Variants in ATP6V1C2 observed in about 807,000 individuals in gnomAD.
ATP6V1C2 encodes the protein V-type proton ATPase subunit C 2.
In ATP6V1C2, 45 loss-of-function variants were observed where a neutral mutation model predicts 56.8. That is an observed-to-expected ratio of 0.79 (90% CI 0.62 to 1.02). The LOEUF (loss-of-function observed/expected upper bound fraction) is 1.02, where lower values mean the gene tolerates loss of function less well. Ranked by LOEUF, ATP6V1C2 falls within the 50% of genes least tolerant of loss-of-function variation. ATP6V1C2 has a pLI of 0.00. For synonymous variants in ATP6V1C2, 220 were observed against 201.3 expected (o/e 1.09, Z -0.79); for missense variants, 463 against 519.7 (o/e 0.89, Z 1.06).
chr2:10,758,049 G>A (rs543283758), intron 4 of ATP6V1C2, among the ~76,000 whole-genome samples: 1 of 152,194 alleles, frequency 6.6e-6, no homozygotes, highest in Non-Finnish European at 1.5e-5. Context: ...GTTATCAAAT[G>A]CCTTCCCAAA....
rs767826157 is a variant in ATP6V1C2, at chr2:10,774,956, C to A, written c.732-22C>A. Reference sequence around the variant, plus strand: ...CCTCTGGAAAGCTTCTGAGTGAAAACCCATGATTTGCTTGTTTTAAGGTTC... The same window carrying A: ...CCTCTGGAAAGCTTCTGAGTGAAAAACCATGATTTGCTTGTTTTAAGGTTC... On this transcript the variant is annotated intron_variant, in intron 9 of 13. Coordinates refer to ENST00000272238, the MANE Select transcript of ATP6V1C2 (RefSeq NM_001039362.2). The A allele has an allele frequency of 3.7e-6, 6 of 1,612,972 alleles. No homozygotes were observed. The East Asian group carries it at 6.7e-5, about 18-fold the overall frequency.
At position 10,778,601 on chromosome 2, in the gene ATP6V1C2, C is replaced by T. The variant is rs1336769154; in HGVS notation, c.993C>T (p.Asn331=). The change falls in exon 12 of 14, where the codon AAC becomes AAT. Residue 331 remains asparagine, a synonymous_variant. Transcript: ENST00000272238. ...CCCTGCTGCGCTGGCTCAAGGTGAA[C>T]TTCAGTGAAGCCTTCATTGCCTGGA... ...EGPLLRWLKV[N]FSEAFIAWIH... 3 of 1,614,122 alleles carry T rather than the reference C, an allele frequency of 1.9e-6. No individual in the cohort carries two copies. Among genetic ancestry groups the T allele is most frequent in the African/African-American group, 1.3e-5 (1 of 74,946 alleles).
chr2:10,782,375 T>C lies in ATP6V1C2; in HGVS notation c.1194T>C (p.Asp398=), dbSNP rs751728938. 5 of 1,613,794 alleles carry C rather than the reference T, an allele frequency of 3.1e-6. No individual in the cohort carries two copies. The highest frequency in any genetic ancestry group is 4.2e-6 in the Non-Finnish European group (5 of 1,179,938). Residue 398 remains aspartate (D), a splice_region_variant and synonymous_variant, in exon 13 of 14, where the codon GAT becomes GAC. Transcript: ENST00000272238. ...AAGTAGCCGCTACAAGTATACTGGATGTAGGTATCCAGAAACAGCAGTATT... is the reference window on the plus strand; with the variant it reads ...AAGTAGCCGCTACAAGTATACTGGACGTAGGTATCCAGAAACAGCAGTATT... ...LDEVAATSIL[D]ASVEIPGLQL...
At chr2:10,740,749 C>T (rs554578776) in intron 3 of ATP6V1C2, among the ~76,000 whole-genome samples, 14 of 152,292 alleles carry the variant, frequency 9.2e-5, no homozygotes, top group African/African-American at 3.4e-4. Flanking sequence ...TGCAGTGGCG[C>T]TGTGTCAGCT....
chr2:10,761,444 C>A (rs1239800151), intron 4 of ATP6V1C2, among the ~76,000 whole-genome samples: 1 of 152,096 alleles, frequency 6.6e-6, no homozygotes, highest in Admixed American at 6.5e-5. Flanking sequence ...ACCCTCTGAC[C>A]ACTCCCTGCT....
chr2:10,737,511 C>T (rs2148426834), intron 3 of ATP6V1C2, among the ~76,000 whole-genome samples: 1 of 152,026 alleles, frequency 6.6e-6, no homozygotes, highest in African/African-American at 2.4e-5. Context: ...TAATATATTG[C>T]CTATTTTTCT....
At chr2:10,729,809 C>G (rs541889640) in intron 3 of ATP6V1C2, among the ~76,000 whole-genome samples, 3 of 152,278 alleles carry the variant, frequency 2.0e-5, no homozygotes, top group East Asian at 1.9e-4. Context: ...GAGCTGTGAT[C>G]GTGCCACTGC....
intron 3 of ATP6V1C2, among the ~76,000 whole-genome samples, chr2:10,741,075 G>A (rs571261432): frequency 3.3e-5 from 5 of 152,298 alleles, no homozygotes; most frequent in Admixed American, 6.5e-5. Context: ...TGAGAATTCC[G>A]TTCTTAGTGA....
At chr2:10,724,616 C>T (rs866460430) in intron 2 of ATP6V1C2, among the ~76,000 whole-genome samples, 47 of 151,544 alleles carry the variant, frequency 3.1e-4, no homozygotes, top group African/African-American at 1.1e-3. Flanking sequence ...AATTAAGTTA[C>T]TTGAGAAGAA....
upstream of ATP6V1C2, chr2:10,721,010 C>G (rs1422016855): frequency 6.6e-6 from 1 of 151,998 alleles, no homozygotes; most frequent in Non-Finnish European, 1.5e-5. Context: ...GAGTTGTAAC[C>G]GCCCCCCCAC....
In ATP6V1C2 at chr2:10,768,736, G is replaced by A; in HGVS notation, c.396G>A (p.Glu132=). Residue 132 remains glutamate (E), a synonymous_variant, in exon 6 of 14, where the codon GAG becomes GAA. Coordinates refer to ENST00000272238, the MANE Select transcript of ATP6V1C2 (RefSeq NM_001039362.2). ...DTIAKQLAQI[E]MDLKSRTAAY... ...CAAAACAGCAACTGGCGCAGATCGA[G>A]ATGGACCTGAAGTCCCGAACGGCCG... 1 of 1,614,066 alleles carries A rather than the reference G, an allele frequency of 6.2e-7. No homozygotes were observed. The highest frequency in any genetic ancestry group is 8.5e-7 in the Non-Finnish European group (1 of 1,180,030).
chr2:10,729,754 C>T (rs375351207), intron 3 of ATP6V1C2, among the ~76,000 whole-genome samples: 1 of 152,152 alleles, frequency 6.6e-6, no homozygotes, highest in African/African-American at 2.4e-5. Flanking sequence ...ACTTGGGAGG[C>T]TGAGGTGAAA....
chr2:10,762,098 C>T (rs1173736880), intron 4 of ATP6V1C2, among the ~76,000 whole-genome samples: 1 of 152,022 alleles, frequency 6.6e-6, no homozygotes, highest in Non-Finnish European at 1.5e-5. Flanking sequence ...GTTTCCTCAT[C>T]TGTAAGATGG....
At chr2:10,769,038 G>A (rs879544883) in intron 6 of ATP6V1C2, among the ~76,000 whole-genome samples, 8 of 152,208 alleles carry the variant, frequency 5.3e-5, no homozygotes, top group Non-Finnish European at 1.0e-4. Context: ...AAGAGGATGT[G>A]GCCATGCTGC....
intron 4 of ATP6V1C2, among the ~76,000 whole-genome samples, chr2:10,761,498 C>T (rs1558410647): frequency 6.6e-6 from 1 of 152,154 alleles, no homozygotes; most frequent in Non-Finnish European, 1.5e-5. Context: ...AAGGTCATTC[C>T]CATTGTGTGT....
chr2:10,772,051 C>T (rs932800348), intron 7 of ATP6V1C2, 114 bp downstream of exon 7: 18 of 878,832 alleles, frequency 2.0e-5, no homozygotes, highest in Admixed American at 1.1e-4. Context: ...CCCCAGTTCT[C>T]GGGAAGCAGT....
At chr2:10,737,074 A>ATTTTTG (rs909490043) in intron 3 of ATP6V1C2, among the ~76,000 whole-genome samples, 1 of 151,730 alleles carries the variant, frequency 6.6e-6, no homozygotes, top group Admixed American at 6.6e-5. Flanking sequence ...AAATTCTTTT[A>ATTTTTG]TTTTTGTTTT....
chr2:10,781,961 A>G lies in ATP6V1C2; in HGVS notation c.1062-282A>G, dbSNP rs577992404. 3.9e-5 allele frequency among the ~76,000 whole-genome samples: 6 copies of G among 152,366 alleles called. No homozygotes were observed. The South Asian group carries it at 1.2e-3, about 32-fold the overall frequency. On this transcript the variant is annotated intron_variant, in intron 12 of 13. Transcript: ENST00000272238. ...CCGAATGTTCAGTCCAACTACCTGC[A>G]TTCAACTTGAGCATGCACCGTGGAA...
rs541893841 is a variant in ATP6V1C2, at chr2:10,775,269, C to T, written c.825+198C>T. On this transcript the variant is annotated intron_variant, in intron 10 of 13. Transcript: ENST00000272238. ...GGCGGTGAGCACAAAGGAGCCCAGG[C>T]GGTGGAGCTGGGGGCGGGAGCCGGG... Among the ~76,000 whole-genome samples the T allele has an allele frequency of 7.2e-5, 11 of 152,302 alleles. 1 individual carries two copies. Among genetic ancestry groups the T allele is most frequent in the Admixed American group, 3.3e-4 (5 of 15,306 alleles).
Sources: allele counts gnomAD v4.1 joint callset (sites outside exome capture counted in the v4.1 genomes callset), GRCh38; gene constraint gnomAD v4.1.1; transcripts MANE v1.5; gene names NCBI Gene and HGNC (gene_info 2026-07-23, HGNC 2026-07-21).